USP54: variants seen among roughly 807,000 people sequenced by gnomAD.
The protein encoded by USP54 is ubiquitin specific peptidase 54.
A neutral mutation model predicts 170.5 loss-of-function variants in USP54; 87 were observed. The observed-to-expected ratio is 0.51, with a 90% CI of 0.43 to 0.61. USP54 has a LOEUF of 0.61. Among genes scored for constraint, USP54 ranks in the 20% least tolerant of loss-of-function variants. The pLI is 0.00. For synonymous variants in USP54, 655 were observed against 742.8 expected, an observed-to-expected ratio of 0.88 and a Z score of 1.92; for missense variants, 1,786 against 2,047.8, an observed-to-expected ratio of 0.87 and a Z score of 2.47.
At chr10:73,596,111 CA>C (rs1014121086), upstream of USP54, among the ~76,000 whole-genome samples, 125 of 124,782 alleles carry the variant, frequency 1.0e-3, no homozygotes, top group African/African-American at 2.7e-3. Context: ...GACTCCATCT[CA>C]AAAAAAAAAA....
At position 73,498,934 on chromosome 10, in the gene USP54, T is replaced by G. The variant is rs764240640; in HGVS notation, c.4750A>C (p.Thr1584Pro). The G allele has an allele frequency of 6.2e-7, 1 of 1,613,922 alleles. No homozygotes were observed. The highest frequency in any genetic ancestry group is 8.5e-7 in the Non-Finnish European group (1 of 1,179,958). Residue 1584 changes from threonine to proline, a missense_variant, in exon 24 of 24, where the codon ACT becomes CCT. By Grantham distance (38) the Thr-to-Pro change is conservative. Coordinates refer to ENST00000687698, the MANE Select transcript of USP54 (RefSeq NM_001391956.1). Reference sequence around the variant, plus strand: ...TGGAAAAGATCACTCCAGGACTGAGTGTGAGGAACCTGAAGGCCCTTGCTT... The same window carrying G: ...TGGAAAAGATCACTCCAGGACTGAGGGTGAGGAACCTGAAGGCCCTTGCTT... Reference protein sequence around the residue: ...ERSKGLQVPHTQSWSDLFHSP... With the variant: ...ERSKGLQVPHPQSWSDLFHSP...
chr10:73,505,310 G>A lies in USP54; in HGVS notation c.4168C>T (p.Gln1390Ter). The A allele has an allele frequency of 1.9e-6, 3 of 1,613,324 alleles. No individual in the cohort carries two copies. The highest frequency in any genetic ancestry group is 2.5e-6 in the Non-Finnish European group (3 of 1,179,552). ...LHEARTVRTS[Q>*]ATPCRGLSRE... is the part of the protein sequence containing the mutation. ...ACCTTAGCACCTGAGGCTGCTACCT[G>A]AGAAGTACGCACTGTTCTGGCTTCA... Residue 1390 changes from glutamine (Q) to a stop codon, truncating the protein, a stop_gained and splice_region_variant, in exon 21 of 24, where the codon CAG becomes TAG. Transcript: ENST00000687698. LOFTEE classifies it high-confidence loss of function.
At chr10:73,589,144 G>A (rs1263308729) in intron 1 of USP54, among the ~76,000 whole-genome samples, 2 of 152,136 alleles carry the variant, frequency 1.3e-5, no homozygotes, top group Non-Finnish European at 2.9e-5. Context: ...CTCATTCCTT[G>A]TTAAACAAAT....
intron 22 of USP54, among the ~76,000 whole-genome samples, chr10:73,501,126 T>C (rs138110718): frequency 6.6e-6 from 1 of 152,166 alleles, no homozygotes; most frequent in African/African-American, 2.4e-5. Flanking sequence ...ATGCTAACAG[T>C]AGAATTAGAG....
intron 4 of USP54, among the ~76,000 whole-genome samples, chr10:73,560,727 T>C (rs2072716311): frequency 7.5e-6 from 1 of 133,328 alleles, no homozygotes; most frequent in Non-Finnish European, 1.6e-5. Context: ...CCTCTTTCCA[T>C]CAAATAGGAC....
intron 1 of USP54, among the ~76,000 whole-genome samples, chr10:73,578,562 C>T (rs1005307695): frequency 2.0e-5 from 3 of 152,272 alleles, no homozygotes; most frequent in Middle Eastern, 3.4e-3. Context: ...CAGGCATGTG[C>T]CACTATGCCT....
intron 1 of USP54, among the ~76,000 whole-genome samples, chr10:73,580,719 C>A (rs148835243): frequency 6.6e-6 from 1 of 151,888 alleles, no homozygotes; most frequent in Non-Finnish European, 1.5e-5. Context: ...ATTACAGGCA[C>A]GCACCATCAC....
In USP54 at chr10:73,536,254, A is replaced by T. The variant is rs375294491; in HGVS notation, c.1144+15T>A. The T allele has an allele frequency of 6.2e-7, 1 of 1,613,628 alleles. No homozygotes were observed. Among genetic ancestry groups the T allele is most frequent in the Non-Finnish European group, 8.5e-7 (1 of 1,179,768 alleles). On this transcript the variant is annotated intron_variant, in intron 11 of 23. Transcript: ENST00000687698. ...GGGTGAGGAGAGAGGAGAGGTAAAGAGCCTGGCTGCTCACCTGAATCTTCA... is the reference window on the plus strand; with the variant it reads ...GGGTGAGGAGAGAGGAGAGGTAAAGTGCCTGGCTGCTCACCTGAATCTTCA...
intron 1 of USP54, among the ~76,000 whole-genome samples, chr10:73,609,620 C>T (rs556084272): frequency 9.2e-5 from 14 of 151,712 alleles, no homozygotes; most frequent in Admixed American, 8.5e-4. Context: ...CAGAGGTGGG[C>T]GGCTCATGAA....
At chr10:73,598,737 G>T (rs759799089) in intron 1 of USP54, among the ~76,000 whole-genome samples, 2 of 152,028 alleles carry the variant, frequency 1.3e-5, no homozygotes, top group Non-Finnish European at 2.9e-5. Flanking sequence ...TGGTGAAACC[G>T]CATCTCTACT....
intron 1 of USP54, among the ~76,000 whole-genome samples, chr10:73,579,055 C>T (rs1438371051): frequency 6.6e-6 from 1 of 151,276 alleles, no homozygotes; most frequent in Non-Finnish European, 1.5e-5. Context: ...ATTCTCCTTC[C>T]TCAGCCCCAT....
chr10:73,539,152 G>A lies in USP54; in HGVS notation c.975+292C>T, dbSNP rs561833130. Among the ~76,000 whole-genome samples the A allele has an allele frequency of 2.3e-3, 349 of 151,484 alleles. 1 individual carries two copies. Among genetic ancestry groups the A allele is most frequent in the Non-Finnish European group, 4.3e-3 (290 of 67,836 alleles). ...AAATTAGCCAGGTGTGGTAGCATGC[G>A]CATGTACTCCCAGCTACTCAGGAGG... On this transcript the variant is annotated intron_variant, in intron 10 of 23. Coordinates refer to ENST00000687698, the MANE Select transcript of USP54 (RefSeq NM_001391956.1).
In USP54 at chr10:73,536,089, G is replaced by A. The variant is rs2065148753; in HGVS notation, c.1144+180C>T. The A allele has an allele frequency of 6.5e-6, 5 of 765,100 alleles. No homozygotes were observed. The East Asian group carries it at 1.1e-4, about 17-fold the overall frequency. The allele number at this position is 765,100 out of a possible 1,614,324, so 47.4% of individuals were successfully genotyped here. On this transcript the variant is annotated intron_variant, in intron 11 of 23. Transcript: ENST00000687698. The stretch of plus-strand genomic sequence containing the variant: ...TTTAGGCAACACTGTTTTGACAACT[G>A]AAGGAAATAAAGGCTGGCCCAAGTT...
At chr10:73,550,863 T>C (rs1007740311) in intron 4 of USP54, among the ~76,000 whole-genome samples, 3 of 152,152 alleles carry the variant, frequency 2.0e-5, no homozygotes, top group African/African-American at 7.2e-5. Flanking sequence ...TCCCAGCACT[T>C]TGGGAGGCCG....
At chr10:73,518,968 C>T (rs61865839) in intron 19 of USP54, 5,919 of 151,970 alleles carry the variant, frequency 0.039, 179 homozygotes, top group Non-Finnish European at 0.06. Flanking sequence ...AAATAATCTG[C>T]CCTCCTCGGC....
At chr10:73,612,769 G>A (rs2080250732) in intron 1 of USP54, among the ~76,000 whole-genome samples, 1 of 150,912 alleles carries the variant, frequency 6.6e-6, no homozygotes, top group Non-Finnish European at 1.5e-5. Flanking sequence ...GAACCCACGA[G>A]GTGGAGGTTG....
chr10:73,601,503 CT>C (rs11365475), intron 1 of USP54, among the ~76,000 whole-genome samples: 24,857 of 146,374 alleles, frequency 0.17, 3,326 homozygotes, highest in African/African-American at 0.36. Context: ...CCAAAAATGC[CT>C]TTTTTTTTTT....
chr10:73,534,847 C>CA (rs773012224), intron 11 of USP54, 77 bp from the exon 12 acceptor site: 117 of 1,405,644 alleles, frequency 8.3e-5, no homozygotes, highest in Non-Finnish European at 1.1e-4. Context: ...GAGATGGACA[C>CA]AACAAAGCTC....
chr10:73,498,784 CT>C lies in USP54; in HGVS notation c.4899del (p.Val1634Ter), dbSNP rs755264441. The part of the protein sequence containing the change: ...VPGSRTPGPR[R>X]VDMPPDDDWR... ...CAGTCATCATCTGGGGGCATATCTA[CT>C]CTTCGAGGACCAGGGGTTCGGGACC... On this transcript the variant is annotated frameshift_variant, in exon 24 of 24. Coordinates refer to ENST00000687698, the MANE Select transcript of USP54 (RefSeq NM_001391956.1). LOFTEE classifies it high-confidence loss of function. 1 of 1,613,662 alleles carries C rather than the reference CT, an allele frequency of 6.2e-7. No homozygotes were observed. The highest frequency in any genetic ancestry group is 1.7e-5 in the Admixed American group (1 of 59,978).
Sources: allele counts gnomAD v4.1 joint callset (sites outside exome capture counted in the v4.1 genomes callset), GRCh38; gene constraint gnomAD v4.1.1; transcripts MANE v1.5; gene names NCBI Gene and HGNC (gene_info 2026-07-23, HGNC 2026-07-21).